The following CACNA2D3 variants were observed in gnomAD, a reference collection of about 807,000 sequenced individuals.
The protein encoded by CACNA2D3 is voltage-dependent calcium channel subunit alpha-2/delta-3.
Under a neutral mutation model 160.6 loss-of-function variants are expected in CACNA2D3, and 60 were observed. The observed-to-expected ratio is 0.37, with a 90% confidence interval of 0.30 to 0.46. The LOEUF (loss-of-function observed/expected upper bound fraction) is 0.46, where lower values mean the gene tolerates loss of function less well. Ranked by LOEUF, CACNA2D3 falls within the 20% of genes least tolerant of loss-of-function variation. CACNA2D3 has a pLI of 1.00. For missense variants in CACNA2D3, 1,205 were observed against 1,365.0 expected, an observed-to-expected ratio of 0.88 and a Z score of 1.85; for synonymous variants, 558 against 492.9, an observed-to-expected ratio of 1.13 and a Z score of -1.75.
intron 3 of CACNA2D3, among the ~76,000 whole-genome samples, chr3:54,346,345 C>T (rs1385963297): frequency 6.6e-6 from 1 of 152,144 alleles, no homozygotes; most frequent in Non-Finnish European, 1.5e-5. Context: ...TTGGAGTAGC[C>T]AGCATCCACG....
At chr3:54,696,085 G>A (rs542614959) in intron 11 of CACNA2D3, among the ~76,000 whole-genome samples, 4 of 152,264 alleles carry the variant, frequency 2.6e-5, no homozygotes, top group African/African-American at 4.8e-5. Flanking sequence ...GGCCAGGGTC[G>A]GGGAGTGGGT....
intron 2 of CACNA2D3, among the ~76,000 whole-genome samples, chr3:54,235,543 T>C (rs4271944): frequency 0.31 from 47,253 of 152,014 alleles, 7,774 homozygotes; most frequent in South Asian, 0.42. Context: ...GGGATGGTAC[T>C]AAACCATTCA....
intron 23 of CACNA2D3, 81 bp downstream of exon 23, chr3:54,885,667 G>A: frequency 2.1e-6 from 2 of 957,448 alleles, no homozygotes; most frequent in Non-Finnish European, 1.6e-6. Flanking sequence ...GGCCTCACTT[G>A]TTAAGGGAAG....
intron 2 of CACNA2D3, among the ~76,000 whole-genome samples, chr3:54,253,015 C>G (rs1471269184): frequency 6.6e-6 from 1 of 152,064 alleles, no homozygotes; most frequent in Non-Finnish European, 1.5e-5. Flanking sequence ...AATATTCTTC[C>G]TGAATCATTC....
At chr3:55,020,551 C>A (rs1703423780) in intron 35 of CACNA2D3, among the ~76,000 whole-genome samples, 1 of 151,158 alleles carries the variant, frequency 6.6e-6, no homozygotes, top group Admixed American at 6.6e-5. Context: ...CAGGATGGAC[C>A]TTCATTGTCA....
rs868035069 is a variant in CACNA2D3 at position 54,570,114 on chromosome 3, C to G, written c.888+10C>G. The stretch of plus-strand genomic sequence containing the variant: ...CTTCAACATAATTGCTGTGAGTGCA[C>G]CGTTTTGTGCCTTCTTTGCACTTGG... On this transcript the variant is annotated intron_variant, in intron 8 of 37. Transcript: ENST00000474759. The G allele has an allele frequency of 6.2e-7, 1 of 1,609,124 alleles. No individual in the cohort carries two copies. The highest frequency in any genetic ancestry group is 1.7e-4 in the Middle Eastern group (1 of 6,034).
At chr3:54,372,251 C>T (rs149572010) in intron 3 of CACNA2D3, among the ~76,000 whole-genome samples, 1 of 152,352 alleles carries the variant, frequency 6.6e-6, no homozygotes, top group East Asian at 1.9e-4. Flanking sequence ...TGGTATTCAA[C>T]TGTCTTAACT....
chr3:54,813,738 G>A (rs1703386425), intron 13 of CACNA2D3, among the ~76,000 whole-genome samples: 1 of 151,972 alleles, frequency 6.6e-6, no homozygotes, highest in Non-Finnish European at 1.5e-5. Context: ...TAGCAGGATA[G>A]AAAGGCATTA....
intron 4 of CACNA2D3, among the ~76,000 whole-genome samples, chr3:54,419,525 T>C (rs1301520964): frequency 2.6e-5 from 4 of 152,228 alleles, no homozygotes; most frequent in Admixed American, 2.6e-4. Flanking sequence ...ATCCCTCTTA[T>C]GATTGCCACA....
chr3:54,925,191 A>C, intron 27 of CACNA2D3: 8 of 1,612,454 alleles, frequency 5.0e-6, no homozygotes, highest in Non-Finnish European at 6.8e-6. Flanking sequence ...CAGGACAATC[A>C]CACTGGAAAA....
intron 9 of CACNA2D3, among the ~76,000 whole-genome samples, chr3:54,612,223 A>G (rs987817151): frequency 1.3e-5 from 2 of 152,184 alleles, no homozygotes; most frequent in Admixed American, 6.5e-5. Flanking sequence ...TTGGAGGAGA[A>G]TTTCTTTTTC....
At chr3:54,802,811 A>G (rs1003857369) in intron 13 of CACNA2D3, among the ~76,000 whole-genome samples, 1 of 152,140 alleles carries the variant, frequency 6.6e-6, no homozygotes, top group East Asian at 1.9e-4. Flanking sequence ...GCACCCCCCC[A>G]GTAGGGGCAG....
chr3:54,700,519 T>C (rs2061856044), intron 11 of CACNA2D3, among the ~76,000 whole-genome samples: 1 of 152,198 alleles, frequency 6.6e-6, no homozygotes, highest in Admixed American at 6.5e-5. Flanking sequence ...ATATAATATT[T>C]TCATCATTGA....
chr3:54,736,414 A>G (rs568394864), intron 11 of CACNA2D3, among the ~76,000 whole-genome samples: 31 of 152,004 alleles, frequency 2.0e-4, no homozygotes, highest in African/African-American at 7.5e-4. Flanking sequence ...TCTTTATATG[A>G]TTGTTTCCTT....
chr3:54,300,808 C>A (rs1034682408), intron 2 of CACNA2D3, among the ~76,000 whole-genome samples: 1 of 151,888 alleles, frequency 6.6e-6, no homozygotes, highest in Non-Finnish European at 1.5e-5. Flanking sequence ...TGAGGCCACA[C>A]GTTCAAGACC....
chr3:54,523,138 T>C (rs955139911), intron 5 of CACNA2D3, among the ~76,000 whole-genome samples: 14 of 152,286 alleles, frequency 9.2e-5, no homozygotes, highest in African/African-American at 3.4e-4. Context: ...AAAGAAAGCA[T>C]TTAATATTTC....
intron 15 of CACNA2D3, among the ~76,000 whole-genome samples, chr3:54,837,921 T>G (rs893651561): frequency 6.6e-6 from 1 of 152,164 alleles, no homozygotes; most frequent in African/African-American, 2.4e-5. Context: ...CCAAATAGCA[T>G]TATATTCTGA....
intron 2 of CACNA2D3, among the ~76,000 whole-genome samples, chr3:54,271,270 C>T (rs1056173990): frequency 2.6e-5 from 4 of 152,016 alleles, no homozygotes; most frequent in African/African-American, 4.8e-5. Flanking sequence ...TATTCACGTG[C>T]TCTCACTCTG....
intron 4 of CACNA2D3, among the ~76,000 whole-genome samples, chr3:54,461,654 G>C (rs1354355888): frequency 4.0e-5 from 6 of 151,620 alleles, no homozygotes; most frequent in Non-Finnish European, 8.8e-5. Context: ...GCATCTATTT[G>C]ATTCTTCTCT....
Sources: allele counts gnomAD v4.1 joint callset (sites outside exome capture counted in the v4.1 genomes callset), GRCh38; gene constraint gnomAD v4.1.1; transcripts MANE v1.5; gene names NCBI Gene and HGNC (gene_info 2026-07-23, HGNC 2026-07-21).